The following ASTN2 variants were observed in gnomAD, a reference collection of about 807,000 sequenced individuals.
ASTN2 encodes the protein astrotactin 2.
In ASTN2, 54 loss-of-function variants were observed where a neutral mutation model predicts 139.8. The observed-to-expected ratio is 0.39, with a 90% CI of 0.31 to 0.48. The LOEUF (loss-of-function observed/expected upper bound fraction) is 0.48. Ranked by LOEUF, ASTN2 falls within the 20% of genes least tolerant of loss-of-function variation. The pLI is 0.95. For missense variants in ASTN2, 1,565 were observed against 1,725.1 expected (o/e 0.91, Z 1.64); for synonymous variants, 756 against 719.5 (o/e 1.05, Z -0.81).
intron 16 of ASTN2, among the ~76,000 whole-genome samples, chr9:116,676,440 T>C (rs964768273): frequency 6.6e-6 from 1 of 152,200 alleles, no homozygotes; most frequent in African/African-American, 2.4e-5. Flanking sequence ...AAGCCTGCTT[T>C]TCAAGGCAGT....
intron 13 of ASTN2, among the ~76,000 whole-genome samples, chr9:116,775,277 A>C (rs1170594584): frequency 6.6e-6 from 1 of 152,002 alleles, no homozygotes; most frequent in African/African-American, 2.4e-5. Context: ...GGAAGAAAAA[A>C]AATCAATGAA....
chr9:117,035,824 C>T (rs918584382), intron 6 of ASTN2, among the ~76,000 whole-genome samples: 3 of 152,146 alleles, frequency 2.0e-5, no homozygotes, highest in African/African-American at 4.8e-5. Flanking sequence ...CAAGTGTTAA[C>T]GTCTTCAAGT....
chr9:117,025,348 C>T lies in ASTN2; in HGVS notation c.1423+14471G>A, dbSNP rs575951216. 2.0e-5 allele frequency among the ~76,000 whole-genome samples: 3 copies of T among 152,298 alleles called. No individual in the cohort carries two copies. In the East Asian group the frequency reaches 5.8e-4, roughly 29 times the overall value. Reference sequence around the variant, plus strand: ...CCCACAATGTGCCCTCACCCCTGTACTCATGCCCCCCCTTTTGGGGTAGCA... The same window carrying T: ...CCCACAATGTGCCCTCACCCCTGTATTCATGCCCCCCCTTTTGGGGTAGCA... On this transcript the variant is annotated intron_variant, in intron 6 of 22. Transcript: ENST00000313400.
intron 10 of ASTN2, among the ~76,000 whole-genome samples, chr9:116,934,582 T>C (rs1263910778): frequency 1.3e-5 from 2 of 151,656 alleles, no homozygotes; most frequent in Non-Finnish European, 2.9e-5. Context: ...CATGGACACA[T>C]AGAGGGGAAA....
At chr9:117,209,971 G>A (rs190293769) in intron 3 of ASTN2, among the ~76,000 whole-genome samples, 1 of 152,026 alleles carries the variant, frequency 6.6e-6, no homozygotes, top group African/African-American at 2.4e-5. Context: ...AGTGAAGGAA[G>A]AAATTAAGAA....
At chr9:117,408,673 T>C (rs142970513) in intron 1 of ASTN2, among the ~76,000 whole-genome samples, 361 of 152,260 alleles carry the variant, frequency 2.4e-3, no homozygotes, top group Non-Finnish European at 4.1e-3. Context: ...GATCAAGCCA[T>C]GGGTCATGCC....
intron 16 of ASTN2, among the ~76,000 whole-genome samples, chr9:116,688,824 C>T (rs1404342306): frequency 1.3e-5 from 2 of 151,908 alleles, no homozygotes; most frequent in African/African-American, 2.4e-5. Context: ...GGCAGTGGCT[C>T]TGTGAGTGAG....
chr9:116,722,839 T>G (rs1828510096), intron 16 of ASTN2, among the ~76,000 whole-genome samples: 1 of 152,182 alleles, frequency 6.6e-6, no homozygotes, highest in Non-Finnish European at 1.5e-5. Flanking sequence ...CAGGATTGTC[T>G]TTATCTAGTG....
chr9:117,347,631 T>C (rs974728980), intron 1 of ASTN2, among the ~76,000 whole-genome samples: 3 of 152,194 alleles, frequency 2.0e-5, no homozygotes, highest in Non-Finnish European at 4.4e-5. Context: ...CTGTTCTTTA[T>C]GTAGAAATAT....
chr9:116,704,319 C>T (rs1244733544), intron 16 of ASTN2, among the ~76,000 whole-genome samples: 1 of 136,574 alleles, frequency 7.3e-6, no homozygotes, highest in Admixed American at 8.2e-5. Flanking sequence ...GTTTTGTTTA[C>T]ATTAGAATAG....
chr9:116,485,279 T>C (rs1244391600), intron 20 of ASTN2, among the ~76,000 whole-genome samples: 1 of 152,132 alleles, frequency 6.6e-6, no homozygotes, highest in Non-Finnish European at 1.5e-5. Context: ...CTCAGAGGGA[T>C]GGGCAGCTCA....
Position 117,180,816 on chromosome 9 carries a change from A to C in ASTN2, c.1015+33542T>G. ...CCACCATGTCTTCAAATTCATCAAC[A>C]TTGAACTTGGTGAAGCCCCACTTCT... On this transcript the variant is annotated intron_variant, in intron 3 of 22. Transcript: ENST00000313400. The C allele has an allele frequency of 3.2e-6, 5 of 1,541,860 alleles. No individual in the cohort carries two copies. In the Admixed American group the frequency reaches 8.3e-5, roughly 26 times the overall value.
chr9:116,468,511 T>C (rs1173643607), intron 20 of ASTN2, among the ~76,000 whole-genome samples: 1 of 152,200 alleles, frequency 6.6e-6, no homozygotes. Context: ...TCACCCTCTG[T>C]TAATCTGACA....
intron 4 of ASTN2, among the ~76,000 whole-genome samples, chr9:117,120,683 C>T (rs1410996094): frequency 1.3e-5 from 2 of 152,172 alleles, no homozygotes; most frequent in African/African-American, 4.8e-5. Flanking sequence ...GAATCCTCCT[C>T]TCATTGTTTC....
At chr9:117,154,428 T>G (rs1409266047) in intron 3 of ASTN2, among the ~76,000 whole-genome samples, 1 of 151,988 alleles carries the variant, frequency 6.6e-6, no homozygotes, top group Admixed American at 6.6e-5. Context: ...AATTGGAAAC[T>G]CAGCAGATCT....
rs545649233 is a variant in ASTN2 at position 117,329,176 on chromosome 9, A to C, written c.443-37663T>G. The stretch of plus-strand genomic sequence containing the variant: ...AAGCAGGTAACCTACTGCACTTCCA[A>C]GTTCTTTTTTTTTTTTTTTTTTTTT... On this transcript the variant is annotated intron_variant, in intron 1 of 22. Coordinates refer to ENST00000313400, the MANE Select transcript of ASTN2 (RefSeq NM_001365068.1). 2.7e-4 allele frequency among the ~76,000 whole-genome samples: 37 copies of C among 134,762 alleles called. No individual in the cohort carries two copies. In the South Asian group the frequency reaches 3.0e-3, roughly 11 times the overall value. The allele number at this position is 134,762 out of a possible 152,430, so 88.4% of individuals were successfully genotyped here.
intron 2 of ASTN2, among the ~76,000 whole-genome samples, chr9:117,274,062 G>T (rs940072459): frequency 6.6e-5 from 10 of 152,122 alleles, no homozygotes; most frequent in African/African-American, 2.4e-4. Context: ...CAAAAGTCTG[G>T]AGTGGAGGTC....
chr9:117,391,491 C>G (rs560893537), intron 1 of ASTN2, among the ~76,000 whole-genome samples: 2 of 152,092 alleles, frequency 1.3e-5, no homozygotes, highest in Admixed American at 6.5e-5. Flanking sequence ...CTTGTGAGAC[C>G]AATTCACTAT....
intron 1 of ASTN2, among the ~76,000 whole-genome samples, chr9:117,406,814 T>G (rs1202973655): frequency 1.3e-5 from 2 of 151,636 alleles, no homozygotes; most frequent in Non-Finnish European, 2.9e-5. Flanking sequence ...TCTCACATAC[T>G]ACATAACTTA....
Sources: gnomAD v4.1 joint callset for allele counts (sites outside exome capture counted in the v4.1 genomes callset) on GRCh38, gnomAD v4.1.1 for gene constraint, MANE v1.5 for transcripts, NCBI Gene and HGNC (gene_info 2026-07-23, HGNC 2026-07-21) for gene names.